SMYD4: variants seen among roughly 807,000 people sequenced by gnomAD.
SMYD4 encodes the protein SET and MYND domain containing 4, also known as protein-lysine N-methyltransferase SMYD4.
SMYD4 carries 68 observed loss-of-function variants against 72.8 expected under a neutral mutation model. That is an observed-to-expected ratio of 0.93 (90% CI 0.77 to 1.14). The LOEUF is 1.14. Ranked by LOEUF, SMYD4 falls within the 50% of genes most tolerant of loss-of-function variation. The probability of loss-of-function intolerance (pLI) is 0.00; values close to 1 mark genes in which losing one functional copy is unlikely to be tolerated. For synonymous variants in SMYD4, 407 were observed against 388.6 expected (o/e 1.05, Z -0.56); for missense variants, 984 against 1,003.7 (o/e 0.98, Z 0.27).
intron 3 of SMYD4, among the ~76,000 whole-genome samples, chr17:1,811,476 C>T (rs1418310129): frequency 6.6e-6 from 1 of 152,212 alleles, no homozygotes; most frequent in Non-Finnish European, 1.5e-5. Flanking sequence ...AACCACTGTG[C>T]TGGGCCTAAA....
intron 2 of SMYD4, among the ~76,000 whole-genome samples, chr17:1,822,011 G>A (rs1033280673): frequency 6.6e-6 from 1 of 151,502 alleles, no homozygotes; most frequent in Non-Finnish European, 1.5e-5. Context: ...GATCCCTTGA[G>A]GTCAGGAGTT....
At chr17:1,789,120 G>C (rs760860715) in intron 5 of SMYD4, among the ~76,000 whole-genome samples, 74 of 152,228 alleles carry the variant, frequency 4.9e-4, no homozygotes, top group Non-Finnish European at 9.0e-4. Flanking sequence ...GGGCATGGTG[G>C]CTCATGCCTG....
intron 2 of SMYD4, among the ~76,000 whole-genome samples, chr17:1,821,407 G>A (rs9912024): frequency 0.19 from 28,416 of 151,890 alleles, 2,738 homozygotes; most frequent in Middle Eastern, 0.2. Context: ...CCAGCTACTC[G>A]GGAGGTGGAG....
intron 5 of SMYD4, among the ~76,000 whole-genome samples, chr17:1,796,770 G>A (rs1909430892): frequency 6.6e-6 from 1 of 152,058 alleles, no homozygotes; most frequent in Non-Finnish European, 1.5e-5. Flanking sequence ...ATGGAATCAA[G>A]AGTTGGTAAC....
At chr17:1,828,913 T>C (rs192448083) in intron 1 of SMYD4, among the ~76,000 whole-genome samples, 11 of 152,242 alleles carry the variant, frequency 7.2e-5, no homozygotes, top group African/African-American at 2.6e-4. Context: ...CTCTCTAGTT[T>C]CTCTGAGACA....
intron 2 of SMYD4, among the ~76,000 whole-genome samples, chr17:1,813,533 G>A (rs1461729424): frequency 6.6e-6 from 1 of 152,002 alleles, no homozygotes; most frequent in Non-Finnish European, 1.5e-5. Flanking sequence ...TGATTCTTGT[G>A]CCTCAGCCTC....
chr17:1,791,116 CAAA>C (rs56079708), intron 5 of SMYD4, among the ~76,000 whole-genome samples: 1 of 86,648 alleles, frequency 1.2e-5, no homozygotes, highest in South Asian at 4.7e-4. Flanking sequence ...TGGCCCGTCT[CAAA>C]AAAAAAAAAA....
chr17:1,792,463 C>T (rs193114239), intron 5 of SMYD4, among the ~76,000 whole-genome samples: 4 of 152,168 alleles, frequency 2.6e-5, no homozygotes, highest in African/African-American at 4.8e-5. Flanking sequence ...CTTGCTAACA[C>T]GGTGAAACCC....
Position 1,801,094 on chromosome 17 carries a change from CA to C in SMYD4, c.370-71del. The C allele has an allele frequency of 2.9e-6, 4 of 1,395,082 alleles. No homozygotes were observed. In the South Asian group the frequency reaches 5.6e-5, roughly 19 times the overall value. The allele number at this position is 1,395,082 out of a possible 1,614,324, so 86.4% of individuals were successfully genotyped here. A position where few individuals can be genotyped will look rare whatever the true frequency, so the allele number is the denominator to read the frequency against. ...CTTCAATGTTTACTGAAAATGTTTC[CA>C]AAAATCTACAGGAAAGTTAAGGATT... is the stretch of plus-strand genomic sequence containing the variant. On this transcript the variant is annotated intron_variant, in intron 4 of 10. Coordinates refer to ENST00000305513, the MANE Select transcript of SMYD4 (RefSeq NM_052928.3).
At chr17:1,799,592 T>C (rs1909595189) in intron 5 of SMYD4, among the ~76,000 whole-genome samples, 3 of 152,040 alleles carry the variant, frequency 2.0e-5, no homozygotes, top group African/African-American at 7.2e-5. Context: ...GCCAGGATGG[T>C]CTTGATCTCT....
intron 2 of SMYD4, among the ~76,000 whole-genome samples, chr17:1,825,666 C>T (rs1302278158): frequency 6.6e-6 from 1 of 151,998 alleles, no homozygotes; most frequent in African/African-American, 2.4e-5. Context: ...CACATGCCAC[C>T]ATGCTTGGCT....
rs1908326663 is a variant in SMYD4, at chr17:1,780,881, CA to C, written c.*404del. ...TCGTGATCTGCCTGCCTCGGCCTCC[CA>C]AAGTGCTGGGATTACAGGCTTGAGC... is the stretch of plus-strand genomic sequence containing the variant. On this transcript the variant is annotated 3_prime_UTR_variant, in exon 11 of 11. Coordinates refer to ENST00000305513, the MANE Select transcript of SMYD4 (RefSeq NM_052928.3). 1 of 156,430 alleles carries C rather than the reference CA, an allele frequency of 6.4e-6. No homozygotes were observed. The highest frequency in any genetic ancestry group is 1.4e-5 in the Non-Finnish European group (1 of 71,238). The allele number at this position is 156,430 out of a possible 1,614,324, so 9.7% of individuals were successfully genotyped here.
chr17:1,800,531 C>G lies in SMYD4; in HGVS notation c.863G>C (p.Arg288Thr), dbSNP rs770633594. ...HHGLDSKWDT[R>T]VTNGDLYCHR... Reference sequence around the variant, plus strand: ...ACAATAGAGGTCCCCATTGGTGACTCTGGTGTCCCATTTGCTGTCTAGGCC... The same window carrying G: ...ACAATAGAGGTCCCCATTGGTGACTGTGGTGTCCCATTTGCTGTCTAGGCC... The change falls in exon 5 of 11, where the codon AGA becomes ACA. Residue 288 changes from arginine to threonine, a missense_variant. Transcript: ENST00000305513. The G allele has an allele frequency of 3.7e-6, 6 of 1,614,070 alleles. No individual in the cohort carries two copies. In the African/African-American group the frequency reaches 5.3e-5, roughly 14 times the overall value.
intron 5 of SMYD4, 149 bp from the exon 6 acceptor site, chr17:1,787,753 A>G: frequency 2.4e-6 from 2 of 831,094 alleles, no homozygotes; most frequent in African/African-American, 1.7e-5. Context: ...ATCAGATGGG[A>G]CATGACTCAC....
At chr17:1,801,869 A>C (rs1189286160) in intron 4 of SMYD4, among the ~76,000 whole-genome samples, 1 of 151,926 alleles carries the variant, frequency 6.6e-6, no homozygotes, top group East Asian at 2.0e-4. Flanking sequence ...CCAGCTACTC[A>C]GCAGGCTGAG....
intron 4 of SMYD4, among the ~76,000 whole-genome samples, chr17:1,804,049 G>C (rs1909909479): frequency 6.6e-6 from 1 of 150,596 alleles, no homozygotes; most frequent in Admixed American, 6.6e-5. Flanking sequence ...CTCATTTTTT[G>C]TATTTTTAGT....
chr17:1,796,809 A>G (rs1597376517), intron 5 of SMYD4, among the ~76,000 whole-genome samples: 1 of 152,222 alleles, frequency 6.6e-6, no homozygotes, highest in Non-Finnish European at 1.5e-5. Flanking sequence ...GAAGCCCCAT[A>G]TATTTTTATG....
intron 3 of SMYD4, 43 bp downstream of exon 3, chr17:1,811,928 G>A (rs565515904): frequency 2.5e-6 from 4 of 1,601,056 alleles, no homozygotes; most frequent in African/African-American, 1.3e-5. Flanking sequence ...TTCTGTCTCA[G>A]AGAAAAATAA....
In SMYD4 at chr17:1,784,207, G is replaced by A. The variant is rs538426142; in HGVS notation, c.2020+119C>T. 8 of 1,482,362 alleles carry A rather than the reference G, an allele frequency of 5.4e-6. No individual in the cohort carries two copies. In the Admixed American group the frequency reaches 1.4e-4, roughly 26 times the overall value. The allele number at this position is 1,482,362 out of a possible 1,614,324, so 91.8% of individuals were successfully genotyped here. Reference sequence around the variant, plus strand: ...TGGCCTATATAGCCATCTTGTGGCTGGCATGGGGATAATTACATCCAATTC... The same window carrying A: ...TGGCCTATATAGCCATCTTGTGGCTAGCATGGGGATAATTACATCCAATTC... On this transcript the variant is annotated intron_variant, in intron 8 of 10. Coordinates refer to ENST00000305513, the MANE Select transcript of SMYD4 (RefSeq NM_052928.3).
Sources: allele counts gnomAD v4.1 joint callset (sites outside exome capture counted in the v4.1 genomes callset), GRCh38; gene constraint gnomAD v4.1.1; transcripts MANE v1.5; gene names NCBI Gene and HGNC (gene_info 2026-07-23, HGNC 2026-07-21).